Variants in LDLRAD4 observed in about 807,000 individuals in gnomAD.
The protein encoded by LDLRAD4 is low-density lipoprotein receptor class A domain-containing protein 4.
In LDLRAD4, 5 loss-of-function variants were observed where a neutral mutation model predicts 17.0. The observed-to-expected ratio is 0.29, with a 90% CI of 0.15 to 0.62. The LOEUF (loss-of-function observed/expected upper bound fraction) is 0.62. Ranked by LOEUF, LDLRAD4 falls within the 20% of genes least tolerant of loss-of-function variation. LDLRAD4 has a pLI of 0.84. For missense variants in LDLRAD4, 340 were observed against 424.7 expected (o/e 0.80, Z 1.75); for synonymous variants, 168 against 171.8 (o/e 0.98, Z 0.17).
intron 1 of LDLRAD4, among the ~76,000 whole-genome samples, chr18:13,330,718 G>T (rs1458097045): frequency 6.6e-6 from 1 of 152,130 alleles, no homozygotes; most frequent in Non-Finnish European, 1.5e-5. Context: ...ACCGACTGAT[G>T]GGTGGCAGCC....
chr18:13,236,430 C>T (rs1283346594), intron 1 of LDLRAD4: 1 of 152,034 alleles, frequency 6.6e-6, no homozygotes, highest in African/African-American at 2.4e-5. Flanking sequence ...CTGCCTCAGC[C>T]TCCTGAGTAG....
intron 1 of LDLRAD4, among the ~76,000 whole-genome samples, chr18:13,365,170 G>A (rs906859698): frequency 6.6e-6 from 1 of 152,250 alleles, no homozygotes; most frequent in Non-Finnish European, 1.5e-5. Flanking sequence ...AGAAGGAGCA[G>A]ATGCCTGTCC....
intron 3 of LDLRAD4, among the ~76,000 whole-genome samples, chr18:13,476,180 T>A (rs1288930635): frequency 2.6e-5 from 4 of 152,178 alleles, no homozygotes; most frequent in Admixed American, 2.6e-4. Context: ...GCTTTGTGGG[T>A]GAGAGGTGGC....
chr18:13,374,937 G>C (rs1263689746), intron 1 of LDLRAD4, among the ~76,000 whole-genome samples: 1 of 152,160 alleles, frequency 6.6e-6, no homozygotes, highest in African/African-American at 2.4e-5. Context: ...GACGGGGATG[G>C]AGATTTGCAG....
At chr18:13,242,575 A>G (rs2042718420) in intron 1 of LDLRAD4, among the ~76,000 whole-genome samples, 1 of 152,238 alleles carries the variant, frequency 6.6e-6, no homozygotes, top group African/African-American at 2.4e-5. Flanking sequence ...TAGTATATAG[A>G]AAAAGAAATA....
chr18:13,593,655 G>A (rs2095056643), intron 3 of LDLRAD4, among the ~76,000 whole-genome samples: 1 of 152,140 alleles, frequency 6.6e-6, no homozygotes, highest in Non-Finnish European at 1.5e-5. Flanking sequence ...ATAGGGGCTT[G>A]CTATATGGCG....
chr18:13,466,576 C>G (rs2092624763), intron 3 of LDLRAD4, among the ~76,000 whole-genome samples: 1 of 150,990 alleles, frequency 6.6e-6, no homozygotes, highest in African/African-American at 2.4e-5. Flanking sequence ...AGGCATTTGA[C>G]AAACTCTTAA....
intron 2 of LDLRAD4, among the ~76,000 whole-genome samples, chr18:13,433,580 C>T (rs1568143158): frequency 6.6e-6 from 1 of 152,160 alleles, no homozygotes; most frequent in Non-Finnish European, 1.5e-5. Context: ...TAAATTTAGT[C>T]TCTGTGAGGC....
intron 1 of LDLRAD4, among the ~76,000 whole-genome samples, chr18:13,234,148 C>T (rs1037840733): frequency 6.6e-6 from 1 of 152,194 alleles, no homozygotes; most frequent in Non-Finnish European, 1.5e-5. Context: ...GGGTGCTGTC[C>T]TCCCCACCCG....
rs8097897 is a variant in LDLRAD4 at position 13,574,308 on chromosome 18, C to T, written c.182-46809C>T. The stretch of plus-strand genomic sequence containing the variant: ...GCTGGGCTACAGCTCCTGAGGAAGC[C>T]GGCCATGGCAGCACTCTTCCCATGC... On this transcript the variant is annotated intron_variant, in intron 3 of 5. Coordinates refer to ENST00000359446, the Ensembl canonical transcript of LDLRAD4. Among the ~76,000 whole-genome samples, 811 of 152,274 alleles carry T rather than the reference C, an allele frequency of 5.3e-3. 4 individuals carry two copies. Among genetic ancestry groups the T allele is most frequent in the African/African-American group, 0.018 (756 of 41,550 alleles).
chr18:13,500,813 G>A (rs1450867254), intron 3 of LDLRAD4: 1 of 152,122 alleles, frequency 6.6e-6, no homozygotes, highest in Non-Finnish European at 1.5e-5. Flanking sequence ...GAACCAGCTG[G>A]GAGTTTGTGA....
chr18:13,256,485 C>T (rs75614135), intron 1 of LDLRAD4, among the ~76,000 whole-genome samples: 1 of 152,316 alleles, frequency 6.6e-6, no homozygotes, highest in African/African-American at 2.4e-5. Flanking sequence ...TCTTGTGCAC[C>T]TTAAAGTTTG....
intron 3 of LDLRAD4, among the ~76,000 whole-genome samples, chr18:13,537,608 T>C (rs2094218037): frequency 6.6e-6 from 1 of 152,134 alleles, no homozygotes; most frequent in Admixed American, 6.5e-5. Context: ...TTCCTAACAG[T>C]CCATGAACCG....
intron 1 of LDLRAD4, among the ~76,000 whole-genome samples, chr18:13,353,995 ATTC>A: frequency 6.6e-6 from 1 of 152,208 alleles, no homozygotes; most frequent in East Asian, 1.9e-4. Flanking sequence ...TCCAGATAAT[ATTC>A]TTTTTTTTTC....
intron 4 of LDLRAD4, chr18:13,641,998 C>T (rs1601880757): frequency 1.0e-6 from 1 of 985,250 alleles, no homozygotes; most frequent in Non-Finnish European, 1.2e-6. Context: ...GGAGGGCCTC[C>T]GCCCCCTTCC....
intron 3 of LDLRAD4, among the ~76,000 whole-genome samples, chr18:13,514,019 A>G (rs1648587): frequency 5.9e-5 from 9 of 152,088 alleles, no homozygotes; most frequent in African/African-American, 2.2e-4. Flanking sequence ...TACAGTCCCA[A>G]CAGACTTTTG....
intron 1 of LDLRAD4, among the ~76,000 whole-genome samples, chr18:13,321,997 T>A (rs1288298350): frequency 1.3e-5 from 2 of 150,196 alleles, no homozygotes; most frequent in Non-Finnish European, 3.0e-5. Context: ...TATTTAGAAT[T>A]TTTTTTTTAC....
chr18:13,373,270 A>C (rs763912648), intron 1 of LDLRAD4, among the ~76,000 whole-genome samples: 14 of 152,094 alleles, frequency 9.2e-5, no homozygotes, highest in African/African-American at 3.4e-4. Flanking sequence ...TGAGAACCTA[A>C]AAAGCAACTG....
At chr18:13,591,246 A>G (rs1404688254) in intron 3 of LDLRAD4, among the ~76,000 whole-genome samples, 6 of 152,198 alleles carry the variant, frequency 3.9e-5, no homozygotes, top group Admixed American at 3.9e-4. Flanking sequence ...GTCTAAATTG[A>G]AGACTGTTAT....
Sources: gnomAD v4.1 joint callset for allele counts (sites outside exome capture counted in the v4.1 genomes callset) on GRCh38, gnomAD v4.1.1 for gene constraint, MANE v1.5 for transcripts, NCBI Gene and HGNC (gene_info 2026-07-23, HGNC 2026-07-21) for gene names.